Variants in FOCAD observed in about 807,000 individuals in gnomAD.
FOCAD encodes the protein KIAA1797.
A neutral mutation model predicts 225.6 loss-of-function variants in FOCAD; 198 were observed. That is an observed-to-expected ratio of 0.88 (90% confidence interval 0.78 to 0.99). The LOEUF is 0.99. Among genes scored for constraint, FOCAD ranks in the 50% least tolerant of loss-of-function variants. The pLI is 0.00. For synonymous variants in FOCAD, 897 were observed against 755.0 expected (o/e 1.19, Z -3.08); for missense variants, 2,713 against 2,123.6 (o/e 1.28, Z -5.46).
intron 1 of FOCAD, among the ~76,000 whole-genome samples, chr9:20,691,503 A>G (rs1185239092): frequency 1.3e-5 from 2 of 151,748 alleles, no homozygotes; most frequent in East Asian, 3.9e-4. Flanking sequence ...ATTTTTTGAG[A>G]TGGAGTCTCG....
intron 18 of FOCAD, among the ~76,000 whole-genome samples, chr9:20,873,598 G>C (rs761209161): frequency 3.9e-5 from 6 of 152,116 alleles, no homozygotes; most frequent in Non-Finnish European, 8.8e-5. Context: ...ACAGTGCTCG[G>C]GTAGTCAGGT....
At chr9:20,818,042 A>G (rs1000940016) in intron 11 of FOCAD, among the ~76,000 whole-genome samples, 3 of 152,152 alleles carry the variant, frequency 2.0e-5, no homozygotes, top group Non-Finnish European at 2.9e-5. Flanking sequence ...ATATTCGGCA[A>G]CACTTGTTAT....
intron 15 of FOCAD, among the ~76,000 whole-genome samples, chr9:20,850,758 A>G (rs1176797119): frequency 6.6e-6 from 1 of 151,026 alleles, no homozygotes; most frequent in Non-Finnish European, 1.5e-5. Context: ...CATCTGGTAC[A>G]TAATTGCTCT....
intron 35 of FOCAD, among the ~76,000 whole-genome samples, chr9:20,960,929 T>C (rs1034196323): frequency 1.3e-5 from 2 of 152,174 alleles, no homozygotes; most frequent in Non-Finnish European, 2.9e-5. Flanking sequence ...GAACTCATCC[T>C]TTTTTATGGC....
intron 21 of FOCAD, among the ~76,000 whole-genome samples, chr9:20,890,621 G>A (rs913312004): frequency 4.6e-5 from 7 of 152,010 alleles, no homozygotes; most frequent in Non-Finnish European, 7.4e-5. Flanking sequence ...GAGACATGTT[G>A]TTCTGTAGTT....
intron 11 of FOCAD, among the ~76,000 whole-genome samples, chr9:20,793,926 C>T (rs1294009378): frequency 6.6e-6 from 1 of 152,136 alleles, no homozygotes; most frequent in Non-Finnish European, 1.5e-5. Context: ...AAGTGGGGAT[C>T]GGTCCTCTCC....
intron 1 of FOCAD, among the ~76,000 whole-genome samples, chr9:20,691,727 A>C (rs774457943): frequency 6.6e-6 from 1 of 150,896 alleles, no homozygotes; most frequent in Non-Finnish European, 1.5e-5. Context: ...TGATCTGCCC[A>C]CTTCGGCCTC....
intron 35 of FOCAD, among the ~76,000 whole-genome samples, chr9:20,964,015 ATGAG>A (rs1839019954): frequency 6.6e-6 from 1 of 152,168 alleles, no homozygotes; most frequent in Admixed American, 6.5e-5. Context: ...AGTTGAATGA[ATGAG>A]TGTGTTTATA....
intron 7 of FOCAD, among the ~76,000 whole-genome samples, chr9:20,767,199 C>T (rs1830123758): frequency 6.6e-6 from 1 of 151,126 alleles, no homozygotes; most frequent in Non-Finnish European, 1.5e-5. Flanking sequence ...GTATATGTGC[C>T]ACATTTTCTT....
At chr9:20,662,472 G>T (rs931953211) in intron 2 of FOCAD, among the ~76,000 whole-genome samples, 1 of 152,150 alleles carries the variant, frequency 6.6e-6, no homozygotes, top group South Asian at 2.1e-4. Flanking sequence ...GGACAACTCC[G>T]AAGGGCAATA....
chr9:20,674,275 A>G (rs1822162114), intron 2 of FOCAD, among the ~76,000 whole-genome samples: 1 of 152,176 alleles, frequency 6.6e-6, no homozygotes, highest in Admixed American at 6.5e-5. Context: ...GAGGTTATTT[A>G]TGCTATTGTC....
rs13290158 is a variant in FOCAD at position 20,956,623 on chromosome 9, A to G, written c.4132+3558A>G. On this transcript the variant is annotated intron_variant, in intron 35 of 43. Transcript: ENST00000338382. ...CCCATGTCTTCCAAAAAAAGCCTTGAGGAAGTAAGAAAAGAATCCTATTGC... is the reference window on the plus strand; with the variant it reads ...CCCATGTCTTCCAAAAAAAGCCTTGGGGAAGTAAGAAAAGAATCCTATTGC... 8.0e-3 allele frequency among the ~76,000 whole-genome samples: 1,224 copies of G among 152,314 alleles called. 5 individuals are homozygous for G. Among genetic ancestry groups the G allele is most frequent in the Non-Finnish European group, 0.013 (889 of 68,020 alleles).
chr9:20,972,428 G>A (rs1295189325), intron 35 of FOCAD, among the ~76,000 whole-genome samples: 1 of 151,982 alleles, frequency 6.6e-6, no homozygotes, highest in East Asian at 1.9e-4. Flanking sequence ...ATGCTTGTTG[G>A]ACATTTGTAT....
intron 38 of FOCAD, 31 bp downstream of exon 38, chr9:20,981,717 A>G: frequency 6.3e-7 from 1 of 1,584,956 alleles, no homozygotes; most frequent in Non-Finnish European, 8.6e-7. Flanking sequence ...CATTCCTGAC[A>G]ATTTATGTTT....
intron 15 of FOCAD, among the ~76,000 whole-genome samples, chr9:20,826,427 C>G (rs1486454065): frequency 6.6e-6 from 1 of 151,990 alleles, no homozygotes; most frequent in Non-Finnish European, 1.5e-5. Context: ...TTCCAGGGGC[C>G]CTCAGTCTTT....
chr9:20,669,726 G>A (rs987264216), intron 2 of FOCAD, among the ~76,000 whole-genome samples: 11 of 152,248 alleles, frequency 7.2e-5, no homozygotes, highest in African/African-American at 1.9e-4. Flanking sequence ...AGTGATCCAA[G>A]ATTGTGCCAC....
At chr9:20,748,576 G>A (rs1172332930) in intron 5 of FOCAD, among the ~76,000 whole-genome samples, 1 of 152,116 alleles carries the variant, frequency 6.6e-6, no homozygotes, top group Non-Finnish European at 1.5e-5. Context: ...GGGAAAGGAT[G>A]TAGTCAGATT....
At chr9:20,768,013 G>C (rs1328761944) in intron 7 of FOCAD, among the ~76,000 whole-genome samples, 1 of 151,768 alleles carries the variant, frequency 6.6e-6, no homozygotes, top group East Asian at 1.9e-4. Flanking sequence ...TAAGGTGTAA[G>C]GAAGGGATCC....
intron 1 of FOCAD, among the ~76,000 whole-genome samples, chr9:20,696,929 G>C (rs1823420843): frequency 6.6e-6 from 1 of 152,104 alleles, no homozygotes; most frequent in Non-Finnish European, 1.5e-5. Context: ...GTAAAAGTCG[G>C]TCCTCTCCTG....
Sources: allele counts gnomAD v4.1 joint callset (sites outside exome capture counted in the v4.1 genomes callset), GRCh38; gene constraint gnomAD v4.1.1; transcripts MANE v1.5; gene names NCBI Gene and HGNC (gene_info 2026-07-23, HGNC 2026-07-21).